ZNF121: variants seen among roughly 807,000 people sequenced by gnomAD.
The protein encoded by ZNF121 is zinc finger protein 121, also known as zinc finger protein 121 (clone ZHC32).
ZNF121 carries 1 observed loss-of-function variant against 2.4 expected under a neutral mutation model. The ratio of observed to expected loss-of-function variants is 0.41; its 90% CI spans 0.15 to 1.94. The LOEUF is 1.94. Among genes scored for constraint, ZNF121 ranks in the 30% most tolerant of loss-of-function variants. The probability of loss-of-function intolerance (pLI) is 0.30; values close to 1 mark genes in which losing one functional copy is unlikely to be tolerated. For synonymous variants in ZNF121, 173 were observed against 158.6 expected (o/e 1.09, Z -0.68); for missense variants, 369 against 466.3 (o/e 0.79, Z 1.92).
intron 1 of ZNF121, among the ~76,000 whole-genome samples, chr19:9,583,698 T>A (rs550842662): frequency 2.0e-5 from 3 of 151,982 alleles, no homozygotes; most frequent in Admixed American, 2.0e-4. Context: ...AGAGACAGGG[T>A]TTCACCATGT....
Position 9,566,770 on chromosome 19 carries a change from G to A in ZNF121, c.343C>T (p.Leu115Phe). ...ANRITHNGET[L>F]YEQKQCGRAF... ...CTCCCACATTGCTTCTGTTCATAGA[G>A]TGTTTCTCCATTGTGAGTTATCCTA... The change falls in exon 4 of 4, where the codon CTC becomes TTC. Residue 115 changes from leucine (L) to phenylalanine (F), a missense_variant. By Grantham distance (22) the Leu-to-Phe change is conservative (BLOSUM62 0). This residue lies in a region of ZNF121 where 168 missense variants were observed against 162.3 expected (regional missense o/e 1.03). Transcript: ENST00000320451. 1.9e-6 allele frequency: 3 copies of A among 1,614,206 alleles called. No individual in the cohort carries two copies. Among genetic ancestry groups the A allele is most frequent in the Non-Finnish European group, 2.5e-6 (3 of 1,180,034 alleles).
At position 9,564,632 on chromosome 19, in the gene ZNF121, T is replaced by A. The variant is rs1210400778; in HGVS notation, c.*1308A>T. 2.0e-5 allele frequency: 3 copies of A among 152,302 alleles called. No individual in the cohort carries two copies. The highest frequency in any genetic ancestry group is 3.4e-3 in the Middle Eastern group (1 of 294). The allele number at this position is 152,302 out of a possible 1,614,324, so 9.4% of individuals were successfully genotyped here. A position where few individuals can be genotyped will look rare whatever the true frequency, so the allele number is the denominator to read the frequency against. On this transcript the variant is annotated 3_prime_UTR_variant, in exon 4 of 4. Coordinates refer to ENST00000320451, the MANE Select transcript of ZNF121 (RefSeq NM_001008727.5). ...TAGATAAGCAAAGAAAGTGGTTTCC[T>A]GAAATGAAATCTACTCCTGAAGATG...
chr19:9,582,449 G>A (rs553090757), intron 1 of ZNF121, among the ~76,000 whole-genome samples: 42 of 152,034 alleles, frequency 2.8e-4, no homozygotes, highest in African/African-American at 9.4e-4. Flanking sequence ...TGTGATCCCC[G>A]CCCCTGCCCG....
Position 9,569,077 on chromosome 19 carries a change from T to A in ZNF121, c.-154A>T, listed in dbSNP as rs903683061. ...AGTCAAGAGACAGACTGAGTTTGAA[T>A]AGGTCCTGTACAGAGGGAAAGATAC... On this transcript the variant is annotated 5_prime_UTR_variant, in exon 2 of 4. Transcript: ENST00000320451. The A allele has an allele frequency of 6.5e-6, 1 of 153,180 alleles. No individual in the cohort carries two copies. 9.5% of individuals were successfully genotyped at this position (153,180 alleles called of 1,614,324 possible). A position where few individuals can be genotyped will look rare whatever the true frequency, so the allele number is the denominator to read the frequency against.
Position 9,566,288 on chromosome 19 carries a change from A to G in ZNF121, c.825T>C (p.Phe275=), listed in dbSNP as rs199683526. ...FRSSSCLKNH[F]RIHTGIKPYK... ...AGGGTTTTATTCCAGTGTGAATTCT[A>G]AAGTGATTCTTAAGGCATGAAGAGC... The change falls in exon 4 of 4, where the codon TTT becomes TTC. Residue 275 remains phenylalanine, a synonymous_variant. Transcript: ENST00000320451. 1.6e-4 allele frequency: 266 copies of G among 1,613,908 alleles called. No individual in the cohort carries two copies. Among genetic ancestry groups the G allele is most frequent in the Non-Finnish European group, 2.2e-4 (257 of 1,180,002 alleles).
chr19:9,576,853 A>T (rs2074213561), intron 1 of ZNF121, among the ~76,000 whole-genome samples: 2 of 152,228 alleles, frequency 1.3e-5, no homozygotes, highest in Non-Finnish European at 2.9e-5. Context: ...CAAATTGATA[A>T]GCCTGGAAGA....
chr19:9,574,711 A>C (rs2074198511), intron 1 of ZNF121, among the ~76,000 whole-genome samples: 1 of 152,194 alleles, frequency 6.6e-6, no homozygotes, highest in Non-Finnish European at 1.5e-5. Context: ...GAGAAAGGCA[A>C]AAACATCTTC....
intron 1 of ZNF121, among the ~76,000 whole-genome samples, chr19:9,582,656 G>A (rs1325740672): frequency 4.6e-5 from 7 of 151,614 alleles, no homozygotes; most frequent in Admixed American, 4.6e-4. Context: ...TAGGGAGGCA[G>A]GAGAATTACT....
intron 1 of ZNF121, among the ~76,000 whole-genome samples, chr19:9,576,136 G>A (rs1247074990): frequency 1.3e-5 from 2 of 152,172 alleles, no homozygotes; most frequent in Non-Finnish European, 2.9e-5. Flanking sequence ...ATTCAAAAAT[G>A]TAGAAATCAT....
chr19:9,577,670 G>A (rs917501137), intron 1 of ZNF121, among the ~76,000 whole-genome samples: 16 of 151,812 alleles, frequency 1.1e-4, no homozygotes, highest in Admixed American at 5.3e-4. Context: ...AGTGAAATTC[G>A]TCACAAAAAG....
Position 9,566,094 on chromosome 19 carries a change from T to C in ZNF121, c.1019A>G (p.Tyr340Cys). 6.2e-7 allele frequency: 1 copy of C among 1,614,142 alleles called. No individual in the cohort carries two copies. The highest frequency in any genetic ancestry group is 8.5e-7 in the Non-Finnish European group (1 of 1,180,016). The change falls in exon 4 of 4, where the codon TAT (tyrosine) becomes TGT (cysteine). Residue 340 changes from tyrosine (Y) to cysteine (C), a missense_variant. Transcript: ENST00000320451. The stretch of plus-strand genomic sequence containing the variant: ...GGTTTTCCCACATTCCTTACATATA[T>C]ACGGTTTCTCTCCAGTGTGAGTTCT... ...HIRTHTGEKP[Y>C]ICKECGKTFR...
At chr19:9,582,494 CT>C (rs1461279540) in intron 1 of ZNF121, among the ~76,000 whole-genome samples, 1 of 152,166 alleles carries the variant, frequency 6.6e-6, no homozygotes, top group Non-Finnish European at 1.5e-5. Flanking sequence ...TAATTTTCCA[CT>C]ATCTACCCAA....
intron 1 of ZNF121, among the ~76,000 whole-genome samples, chr19:9,570,753 G>T (rs1041189708): frequency 9.9e-4 from 145 of 146,364 alleles, no homozygotes; most frequent in Non-Finnish European, 1.6e-3. Context: ...AGGGGGGGGG[G>T]TATTTTTAGT....
rs1409827414 is a variant in ZNF121 at position 9,563,468 on chromosome 19, T to C, written c.*2472A>G. ...AGCATTTCCAGAATATCTAGATAAATGGCAGAGGTAGCTCTACTAGAGTTT... is the reference window on the plus strand; with the variant it reads ...AGCATTTCCAGAATATCTAGATAAACGGCAGAGGTAGCTCTACTAGAGTTT... On this transcript the variant is annotated 3_prime_UTR_variant, in exon 4 of 4. Coordinates refer to ENST00000320451, the MANE Select transcript of ZNF121 (RefSeq NM_001008727.5). 2.0e-5 allele frequency: 3 copies of C among 152,228 alleles called. No individual in the cohort carries two copies. Among genetic ancestry groups the C allele is most frequent in the African/African-American group, 7.2e-5 (3 of 41,458 alleles). 9.4% of individuals were successfully genotyped at this position (152,228 alleles called of 1,614,324 possible).
intron 1 of ZNF121, among the ~76,000 whole-genome samples, chr19:9,572,603 T>A (rs562997549): frequency 6.6e-6 from 1 of 152,318 alleles, no homozygotes; most frequent in East Asian, 1.9e-4. Flanking sequence ...ACAGGTCACC[T>A]GGGCATGAAC....
chr19:9,564,859 CTTATT>C lies in ZNF121; in HGVS notation c.*1076_*1080del, dbSNP rs1291758652. 5 of 152,262 alleles carry C rather than the reference CTTATT, an allele frequency of 3.3e-5. No homozygotes were observed. Among genetic ancestry groups the C allele is most frequent in the African/African-American group, 1.2e-4 (5 of 41,440 alleles). 9.4% of individuals were successfully genotyped at this position (152,262 alleles called of 1,614,324 possible). A position where few individuals can be genotyped will look rare whatever the true frequency, so the allele number is the denominator to read the frequency against. On this transcript the variant is annotated 3_prime_UTR_variant, in exon 4 of 4. Coordinates refer to ENST00000320451, the MANE Select transcript of ZNF121 (RefSeq NM_001008727.5). Reference sequence around the variant, plus strand: ...TCAATGCAGCAATCTTCACTGCTGTCTTATTTTAAGAAACTGCCACAGCCACCCTG... The same window carrying C: ...TCAATGCAGCAATCTTCACTGCTGTCTTAAGAAACTGCCACAGCCACCCTG...
intron 1 of ZNF121, among the ~76,000 whole-genome samples, chr19:9,572,134 G>A (rs954255322): frequency 5.3e-5 from 8 of 152,166 alleles, no homozygotes; most frequent in African/African-American, 1.9e-4. Context: ...ACAGAAGCAA[G>A]CTGGTTTCAA....
intron 3 of ZNF121, among the ~76,000 whole-genome samples, 173 bp from the exon 4 acceptor site, chr19:9,567,282 A>G (rs1446972087): frequency 6.6e-6 from 1 of 152,230 alleles, no homozygotes; most frequent in Non-Finnish European, 1.5e-5. Flanking sequence ...ACCTACTGGC[A>G]AGAACCCTGT....
intron 1 of ZNF121, among the ~76,000 whole-genome samples, chr19:9,579,231 T>C (rs1463655267): frequency 1.3e-5 from 2 of 152,190 alleles, no homozygotes; most frequent in African/African-American, 4.8e-5. Context: ...ATGCAGTTGA[T>C]GGGAATGTAA....
Sources: gnomAD v4.1 joint callset for allele counts (sites outside exome capture counted in the v4.1 genomes callset) on GRCh38, gnomAD v4.1.1 for gene constraint, gnomAD v4.1.1 regional missense constraint, MANE v1.5 for transcripts, NCBI Gene and HGNC (gene_info 2026-07-23, HGNC 2026-07-21) for gene names.